The following TARS3 variants were observed in gnomAD, a reference collection of about 807,000 sequenced individuals.
TARS3 encodes the protein threonine--tRNA ligase 2, cytoplasmic.
In TARS3, 94 loss-of-function variants were observed where a neutral mutation model predicts 103.5. The observed-to-expected ratio is 0.91, with a 90% CI of 0.77 to 1.08. TARS3 has a LOEUF of 1.08. Among genes scored for constraint, TARS3 ranks in the 50% least tolerant of loss-of-function variants. The pLI, the probability that TARS3 is intolerant of heterozygous loss-of-function variation, is 0.00. For missense variants in TARS3, 952 were observed against 995.2 expected (o/e 0.96, Z 0.58); for synonymous variants, 416 against 355.4 (o/e 1.17, Z -1.92).
chr15:101,689,585 A>C (rs1359964004), intron 10 of TARS3, among the ~76,000 whole-genome samples: 2 of 152,192 alleles, frequency 1.3e-5, no homozygotes, highest in African/African-American at 4.8e-5. Context: ...CGCAGGGAGA[A>C]CATCACGTGA....
At chr15:101,670,824 C>T (rs563672051) in intron 15 of TARS3, among the ~76,000 whole-genome samples, 2 of 152,298 alleles carry the variant, frequency 1.3e-5, no homozygotes, top group East Asian at 3.9e-4. Flanking sequence ...AACAAACTAT[C>T]AATACTTGCA....
At chr15:101,665,734 T>C (rs968865388) in intron 15 of TARS3, among the ~76,000 whole-genome samples, 2 of 152,234 alleles carry the variant, frequency 1.3e-5, no homozygotes, top group African/African-American at 4.8e-5. Context: ...GGCAAATCTT[T>C]CTATAAAACT....
Position 101,657,809 on chromosome 15 carries a change from TGG to T in TARS3, c.2119_2120del (p.Pro707AsnfsTer3). On this transcript the variant is annotated frameshift_variant, in exon 17 of 19. Transcript: ENST00000335968. LOFTEE classifies it high-confidence loss of function. ...PRQVMVIPVG[P>X]TCEKYALQVS... ...CCTGAAGTGCATATTTTTCACAAGT[TGG>T]CCCCACAGGGATGACCATCACCTGA... The T allele has an allele frequency of 6.2e-7, 1 of 1,610,110 alleles. No homozygotes were observed. Among genetic ancestry groups the T allele is most frequent in the Non-Finnish European group, 8.5e-7 (1 of 1,177,788 alleles).
At chr15:101,665,457 T>C (rs1307619686) in intron 15 of TARS3, among the ~76,000 whole-genome samples, 1 of 152,246 alleles carries the variant, frequency 6.6e-6, no homozygotes, top group Non-Finnish European at 1.5e-5. Flanking sequence ...TATTTCAGCC[T>C]ACAGCCTACA....
chr15:101,709,827 T>C (rs991614213), intron 5 of TARS3, among the ~76,000 whole-genome samples: 1 of 152,248 alleles, frequency 6.6e-6, no homozygotes, highest in South Asian at 2.1e-4. Context: ...CGGGATGTGA[T>C]ACTGTGATAC....
At chr15:101,680,380 G>A (rs567305816) in intron 12 of TARS3, among the ~76,000 whole-genome samples, 1 of 152,072 alleles carries the variant, frequency 6.6e-6, no homozygotes, top group South Asian at 2.1e-4. Context: ...CTGTTTTATC[G>A]ATGCCTGTTG....
rs748728396 is a variant in TARS3 at position 101,714,924 on chromosome 15, A to T, written c.606T>A (p.Asn202Lys). 13 of 1,612,128 alleles carry T rather than the reference A, an allele frequency of 8.1e-6. No individual in the cohort carries two copies. In the African/African-American group the frequency reaches 1.7e-4, roughly 22 times the overall value. The change falls in exon 4 of 19, where the codon AAT (asparagine) becomes AAA (lysine). Residue 202 changes from asparagine (N) to lysine (K), a missense_variant. Physicochemically the swap from Asn to Lys is moderately conservative, Grantham distance 94. Coordinates refer to ENST00000335968, the MANE Select transcript of TARS3 (RefSeq NM_152334.3). ...GGCGGTCCAGGTCCCACAGTTCACC[A>T]TTGACTTTGGCTATTACCGTGCTTT... ...LAESTVIAKV[N>K]GELWDLDRPL... is the part of the protein sequence containing the mutation.
At chr15:101,675,492 G>A (rs1897983417) in intron 13 of TARS3, 108 bp downstream of exon 13, 1 of 1,112,588 alleles carries the variant, frequency 9.0e-7, no homozygotes. Flanking sequence ...TAATTTCCAG[G>A]TTCAAAATTT....
intron 10 of TARS3, among the ~76,000 whole-genome samples, chr15:101,698,990 C>T (rs370152972): frequency 8.5e-5 from 13 of 152,118 alleles, no homozygotes; most frequent in East Asian, 7.7e-4. Flanking sequence ...AAGTGGAAGC[C>T]GGCCCTAACC....
intron 10 of TARS3, among the ~76,000 whole-genome samples, chr15:101,693,630 C>A (rs1037051822): frequency 2.6e-5 from 4 of 152,070 alleles, no homozygotes; most frequent in Non-Finnish European, 4.4e-5. Context: ...TTCATAACTG[C>A]CAAAAGCTGA....
At chr15:101,655,342 C>A (rs1167718870) in intron 18 of TARS3, among the ~76,000 whole-genome samples, 2 of 140,522 alleles carry the variant, frequency 1.4e-5, no homozygotes, top group Non-Finnish European at 3.1e-5. Flanking sequence ...ACACTGACCC[C>A]ACCTGGCACT....
intron 17 of TARS3, 119 bp downstream of exon 17, chr15:101,657,666 A>G (rs1596277872): frequency 1.7e-6 from 1 of 583,692 alleles, no homozygotes; most frequent in East Asian, 3.1e-5. Context: ...TGCTGAAAAC[A>G]CGGTTTAAGC....
rs911426269 is a variant in TARS3 at position 101,688,650 on chromosome 15, A to G, written c.1321-2588T>C. Among the ~76,000 whole-genome samples the G allele has an allele frequency of 1.1e-4, 17 of 152,194 alleles. 1 individual carries two copies. Among genetic ancestry groups the G allele is most frequent in the African/African-American group, 1.9e-4 (8 of 41,436 alleles). On this transcript the variant is annotated intron_variant, in intron 10 of 18. Coordinates refer to ENST00000335968, the MANE Select transcript of TARS3 (RefSeq NM_152334.3). ...CTTTCCAAAACCCCATTAAAATAAG[A>G]GTAAAGAAAGTTTTTATAAGAGCAT...
intron 2 of TARS3, among the ~76,000 whole-genome samples, chr15:101,721,585 C>T (rs985638962): frequency 6.6e-6 from 1 of 152,176 alleles, no homozygotes; most frequent in Non-Finnish European, 1.5e-5. Flanking sequence ...GCCTCTGTCT[C>T]CTAGGTTCAA....
At chr15:101,721,351 A>C in intron 2 of TARS3, 29 bp from the exon 3 acceptor site, 1 of 1,563,492 alleles carries the variant, frequency 6.4e-7, no homozygotes, top group East Asian at 2.3e-5. Flanking sequence ...TAATGAGATT[A>C]ATATATACAG....
chr15:101,676,218 C>T (rs1453771366), intron 12 of TARS3, among the ~76,000 whole-genome samples: 6 of 152,066 alleles, frequency 3.9e-5, no homozygotes, highest in African/African-American at 7.2e-5. Context: ...CAAAGCCAGG[C>T]GAATGTATGG....
chr15:101,708,241 A>G (rs1238204515), intron 6 of TARS3, among the ~76,000 whole-genome samples: 7 of 130,516 alleles, frequency 5.4e-5, no homozygotes, highest in Non-Finnish European at 1.1e-4. Flanking sequence ...CTGGGAGGCA[A>G]AGAGAGACTC....
intron 9 of TARS3, among the ~76,000 whole-genome samples, chr15:101,701,611 G>C (rs1899284502): frequency 6.6e-6 from 1 of 152,164 alleles, no homozygotes; most frequent in Admixed American, 6.6e-5. Flanking sequence ...TACCCAGCAA[G>C]GAAGACAAGG....
At chr15:101,675,562 G>A (rs8024223) in intron 13 of TARS3, 38 bp downstream of exon 13, 313,637 of 1,589,294 alleles carry the variant, frequency 0.2, 34,023 homozygotes, top group Non-Finnish European at 0.22. Flanking sequence ...TCTTCCATAC[G>A]ACTAAAATGA....
Sources: gnomAD v4.1 joint callset for allele counts (sites outside exome capture counted in the v4.1 genomes callset) on GRCh38, gnomAD v4.1.1 for gene constraint, MANE v1.5 for transcripts, NCBI Gene and HGNC (gene_info 2026-07-23, HGNC 2026-07-21) for gene names.